Variants in KDM6B observed in about 807,000 individuals in gnomAD.
KDM6B encodes the protein lysine-specific demethylase 6B.
A neutral mutation model predicts 150.4 loss-of-function variants in KDM6B; 22 were observed. That is an observed-to-expected ratio of 0.15 (90% CI 0.10 to 0.21). The LOEUF (loss-of-function observed/expected upper bound fraction) is 0.21, where lower values mean the gene tolerates loss of function less well. Ranked by LOEUF, KDM6B falls within the 10% of genes least tolerant of loss-of-function variation. The pLI, the probability that KDM6B is intolerant of heterozygous loss-of-function variation, is 1.00. For missense variants in KDM6B, 1,984 were observed against 2,234.3 expected, an observed-to-expected ratio of 0.89 and a Z score of 2.26; for synonymous variants, 1,148 against 921.1, an observed-to-expected ratio of 1.25 and a Z score of -4.46.
At chr17:7,845,203 G>C (rs961491397) in intron 3 of KDM6B, 111 bp from the exon 4 acceptor site, 5 of 424,416 alleles carry the variant, frequency 1.2e-5, no homozygotes, top group Non-Finnish European at 4.4e-6. Context: ...AGCTAAGGCC[G>C]GGCCCTTTGC....
At chr17:7,850,686 A>C (rs1352980324) in intron 14 of KDM6B, among the ~76,000 whole-genome samples, 1 of 31,996 alleles carries the variant, frequency 3.1e-5, no homozygotes, top group Non-Finnish European at 7.3e-5. Flanking sequence ...ACTAGACTCC[A>C]AATGGGGAAA....
chr17:7,844,576 G>A lies in KDM6B; in HGVS notation c.-268-325G>A, dbSNP rs1217810107. Among the ~76,000 whole-genome samples the A allele has an allele frequency of 6.6e-6, 1 of 152,174 alleles. No individual in the cohort carries two copies. The highest frequency in any genetic ancestry group is 2.4e-5 in the African/African-American group (1 of 41,446). On this transcript the variant is annotated intron_variant, in intron 2 of 23. Coordinates refer to ENST00000448097, the MANE Select transcript of KDM6B (RefSeq NM_001348716.2). The surrounding 1 kb of genome is among the most constrained non-coding windows in gnomAD (Gnocchi z 5.9). ...TGCGTTCTGCATCCGTCTGTCGTCCGTCGGTCTTACGGTGGCCGGGCGTGG... is the reference window on the plus strand; with the variant it reads ...TGCGTTCTGCATCCGTCTGTCGTCCATCGGTCTTACGGTGGCCGGGCGTGG...
intron 2 of KDM6B, among the ~76,000 whole-genome samples, chr17:7,841,492 A>G (rs1200945102): frequency 1.3e-5 from 2 of 152,232 alleles, no homozygotes; most frequent in African/African-American, 4.8e-5. Flanking sequence ...CACGCTAGTG[A>G]TGCAGAGGCA....
chr17:7,839,575 T>C (rs1373119327), intron 1 of KDM6B, among the ~76,000 whole-genome samples: 1 of 152,046 alleles, frequency 6.6e-6, no homozygotes, highest in Admixed American at 6.5e-5. Context: ...CAGGCTGGCT[T>C]GTGTACAGAT....
rs963500739 is a variant in KDM6B at position 7,843,617 on chromosome 17, C to T, written c.-268-1284C>T. Among the ~76,000 whole-genome samples the T allele has an allele frequency of 6.6e-6, 1 of 152,178 alleles. No homozygotes were observed. Among genetic ancestry groups the T allele is most frequent in the Non-Finnish European group, 1.5e-5 (1 of 67,996 alleles). ...TCAACGAACGCGAACTTTCCAGCCA[C>T]CCCCAGCCCCTCGTCGCGCACTCTC... On this transcript the variant is annotated intron_variant, in intron 2 of 23. Transcript: ENST00000448097. The surrounding 1 kb of genome is among the most constrained non-coding windows in gnomAD (Gnocchi z 4.5).
At position 7,849,877 on chromosome 17, in the gene KDM6B, T is replaced by C; in HGVS notation, c.3497T>C (p.Val1166Ala). The C allele has an allele frequency of 6.2e-7, 1 of 1,612,580 alleles. No homozygotes were observed. Among genetic ancestry groups the C allele is most frequent in the South Asian group, 1.1e-5 (1 of 91,020 alleles). ...RESYLSPAQS[V>A]KPKINTEEKL... is the part of the protein sequence containing the mutation. ...TCCTACCTTTCCCCTGCCCAGTCTG[T>C]GAAACCGAAGATCAACACTGAGGAG... Residue 1166 changes from valine to alanine, a missense_variant, in exon 13 of 24, where the codon GTG becomes GCG. Physicochemically the swap from Val to Ala is moderately conservative, Grantham distance 64. Around this residue, in one of 13 missense-constraint regions of KDM6B, gnomAD observed 1,379 missense variants for 1,275.6 expected, o/e 1.08. Transcript: ENST00000448097.
intron 2 of KDM6B, among the ~76,000 whole-genome samples, chr17:7,841,984 G>A (rs2078424228): frequency 6.6e-6 from 1 of 152,214 alleles, no homozygotes; most frequent in Non-Finnish European, 1.5e-5. Context: ...TTGCGACGAG[G>A]GTCCTGGACC....
At chr17:7,850,433 A>G (rs994231219) in intron 14 of KDM6B, among the ~76,000 whole-genome samples, 1 of 152,240 alleles carries the variant, frequency 6.6e-6, no homozygotes, top group African/African-American at 2.4e-5. Context: ...TACAGATTTT[A>G]GAAAACCCCT....
Position 7,848,289 on chromosome 17 carries a change from CCCT to C in KDM6B, c.2003_2005del (p.Pro668del). On this transcript the variant is annotated inframe_deletion, in exon 12 of 24. Coordinates refer to ENST00000448097, the MANE Select transcript of KDM6B (RefSeq NM_001348716.2). ...GGGTTGGGGAGCTGCCTGCCCGAGG[CCCT>C]CGACTCTTTGATTTTCCCCCCACTC... is the stretch of plus-strand genomic sequence containing the variant. 1 of 1,612,334 alleles carries C rather than the reference CCCT, an allele frequency of 6.2e-7. No homozygotes were observed. The highest frequency in any genetic ancestry group is 8.5e-7 in the Non-Finnish European group (1 of 1,179,788).
At position 7,848,894 on chromosome 17, in the gene KDM6B, C is replaced by G; in HGVS notation, c.2606C>G (p.Ser869Cys). ...GSPQPSASSS[S>C]QFSTSGGPWA... Reference sequence around the variant, plus strand: ...CCACAGCCCTCTGCTTCCTCGTCATCTCAGTTCTCTACCTCAGGCGGGCCC... The same window carrying G: ...CCACAGCCCTCTGCTTCCTCGTCATGTCAGTTCTCTACCTCAGGCGGGCCC... The change falls in exon 12 of 24, where the codon TCT becomes TGT. Residue 869 changes from serine to cysteine, a missense_variant. This residue lies in a region of KDM6B where 1,379 missense variants were observed against 1,275.6 expected (regional missense o/e 1.08). Transcript: ENST00000448097. The G allele has an allele frequency of 6.2e-7, 1 of 1,607,450 alleles. No individual in the cohort carries two copies. Among genetic ancestry groups the G allele is most frequent in the Non-Finnish European group, 8.5e-7 (1 of 1,176,328 alleles).
intron 2 of KDM6B, among the ~76,000 whole-genome samples, chr17:7,841,407 GC>G (rs2151371051): frequency 6.6e-6 from 1 of 152,320 alleles, no homozygotes; most frequent in East Asian, 1.9e-4. Context: ...GGGTGGGCCT[GC>G]GCCAGTGTCG....
At chr17:7,841,746 T>C (rs919063390) in intron 2 of KDM6B, among the ~76,000 whole-genome samples, 2 of 151,376 alleles carry the variant, frequency 1.3e-5, no homozygotes, top group Non-Finnish European at 1.5e-5. Flanking sequence ...CAGTGACACA[T>C]AGCGGGCCGG....
rs1391977933 is a variant in KDM6B, at chr17:7,851,802, C to T, written c.4165+6C>T. 3 of 1,555,640 alleles carry T rather than the reference C, an allele frequency of 1.9e-6. No individual in the cohort carries two copies. The highest frequency in any genetic ancestry group is 2.3e-5 in the South Asian group (2 of 85,338). ...GCCCGGCAGCCGAACGCCAGGTGCG[C>T]TCCACGCCTGTGCGCGCTGATGCTG... On this transcript the variant is annotated splice_donor_region_variant and intron_variant, in intron 18 of 23. Coordinates refer to ENST00000448097, the MANE Select transcript of KDM6B (RefSeq NM_001348716.2).
Position 7,848,822 on chromosome 17 carries a change from C to T in KDM6B, c.2534C>T (p.Ala845Val), listed in dbSNP as rs1390126295. Residue 845 changes from alanine (A) to valine (V), a missense_variant, in exon 12 of 24, where the codon GCT becomes GTT. Around this residue, in one of 13 missense-constraint regions of KDM6B, gnomAD observed 1,379 missense variants for 1,275.6 expected, o/e 1.08. Transcript: ENST00000448097. ...TQYSPGPPSGATALPPTSAAP... is the reference protein window; with the variant it reads ...TQYSPGPPSGVTALPPTSAAP... ...TATTCCCCTGGCCCCCCATCAGGTGCTACCGCCCTGCCGCCCACCTCAGCG... is the reference window on the plus strand; with the variant it reads ...TATTCCCCTGGCCCCCCATCAGGTGTTACCGCCCTGCCGCCCACCTCAGCG... 5 of 1,612,650 alleles carry T rather than the reference C, an allele frequency of 3.1e-6. No individual in the cohort carries two copies. In the South Asian group the frequency reaches 4.4e-5, roughly 14 times the overall value.
intron 21 of KDM6B, 142 bp from the exon 22 acceptor site, chr17:7,852,858 G>A (rs376886560): frequency 7.6e-7 from 1 of 1,311,306 alleles, no homozygotes. Context: ...CAGATGCCCA[G>A]GACAGAGGAT....
Position 7,848,198 on chromosome 17 carries a change from C to T in KDM6B, c.1910C>T (p.Thr637Ile), listed in dbSNP as rs757398830. Reference sequence around the variant, plus strand: ...CGGCCCAGGGTCTCCTTCCCAAAGACCCCCGAGGTGGGGCCGGGGCCACCC... The same window carrying T: ...CGGCCCAGGGTCTCCTTCCCAAAGATCCCCGAGGTGGGGCCGGGGCCACCC... ...SPRPRVSFPK[T>I]PEVGPGPPPG... The change falls in exon 12 of 24, where the codon ACC (threonine) becomes ATC (isoleucine). Residue 637 changes from threonine to isoleucine, a missense_variant. By Grantham distance (89) the Thr-to-Ile change is moderately conservative (BLOSUM62 -1). Coordinates refer to ENST00000448097, the MANE Select transcript of KDM6B (RefSeq NM_001348716.2). The T allele has an allele frequency of 1.2e-6, 2 of 1,611,616 alleles. No homozygotes were observed. Among genetic ancestry groups the T allele is most frequent in the Non-Finnish European group, 1.7e-6 (2 of 1,179,208 alleles).
At chr17:7,846,371 G>GGGGCGGCC in intron 7 of KDM6B, 29 bp from the exon 8 acceptor site, 6 of 1,488,894 alleles carry the variant, frequency 4.0e-6, no homozygotes, top group East Asian at 2.5e-5. Flanking sequence ...CCTGACATCT[G>GGGGCGGCC]CCCCTGCCCC....
chr17:7,852,684 T>C (rs763147891), intron 21 of KDM6B, 48 bp downstream of exon 21: 1 of 1,611,468 alleles, frequency 6.2e-7, no homozygotes, highest in Non-Finnish European at 8.5e-7. Context: ...ACTGGTCCCT[T>C]TTCTTGTTCT....
intron 1 of KDM6B, among the ~76,000 whole-genome samples, chr17:7,835,160 G>A (rs2078307919): frequency 6.6e-6 from 1 of 152,160 alleles, no homozygotes; most frequent in African/African-American, 2.4e-5. Flanking sequence ...GAAATTGTGG[G>A]CAGGAGGTCG....
Sources: allele counts gnomAD v4.1 joint callset (sites outside exome capture counted in the v4.1 genomes callset), GRCh38; gene constraint gnomAD v4.1.1; regional missense constraint gnomAD v4.1.1; non-coding constraint Gnocchi (gnomAD v3.1); transcripts MANE v1.5; gene names NCBI Gene and HGNC (gene_info 2026-07-23, HGNC 2026-07-21).